The following C16orf74 variants were observed in gnomAD, a reference collection of about 807,000 sequenced individuals.
C16orf74 encodes uncharacterized protein C16orf74.
A neutral mutation model predicts 6.5 loss-of-function variants in C16orf74; 10 were observed. The ratio of observed to expected loss-of-function variants is 1.54; its 90% CI spans 0.95 to 2.61. The LOEUF is 2.61. Among genes scored for constraint, C16orf74 ranks in the 30% most tolerant of loss-of-function variants. The pLI, the probability that C16orf74 is intolerant of heterozygous loss-of-function variation, is 0.00. For missense variants in C16orf74, 141 were observed against 105.9 expected, an observed-to-expected ratio of 1.33 and a Z score of -1.45; for synonymous variants, 60 against 42.5, an observed-to-expected ratio of 1.41 and a Z score of -1.60.
At chr16:85,739,587 T>G (rs2054280852) in intron 1 of C16orf74, among the ~76,000 whole-genome samples, 2 of 152,074 alleles carry the variant, frequency 1.3e-5, no homozygotes, top group African/African-American at 4.8e-5. Context: ...GTGTGTTTGT[T>G]TGAAAAGTAA....
intron 1 of C16orf74, among the ~76,000 whole-genome samples, chr16:85,743,961 G>A (rs1345593289): frequency 6.6e-6 from 1 of 152,084 alleles, no homozygotes; most frequent in African/African-American, 2.4e-5. Flanking sequence ...CGCTGAGGCA[G>A]GAGAACGGTG....
intron 1 of C16orf74, among the ~76,000 whole-genome samples, chr16:85,739,159 G>C (rs2054276352): frequency 1.1e-4 from 1 of 9,350 alleles, no homozygotes; most frequent in African/African-American, 2.2e-4. Flanking sequence ...CCTGACGTCA[G>C]GATCAACCAC....
chr16:85,742,617 C>A (rs2054321771), intron 1 of C16orf74, among the ~76,000 whole-genome samples: 1 of 152,158 alleles, frequency 6.6e-6, no homozygotes, highest in South Asian at 2.1e-4. Flanking sequence ...TCTCGGCTCA[C>A]TGCAACCTCC....
At chr16:85,748,616 C>A (rs2054400486) in intron 1 of C16orf74, among the ~76,000 whole-genome samples, 1 of 152,004 alleles carries the variant, frequency 6.6e-6, no homozygotes, top group Non-Finnish European at 1.5e-5. Context: ...AACAAAAAAA[C>A]CCAAAAGAGT....
chr16:85,712,861 G>A (rs532104482), intron 2 of C16orf74, among the ~76,000 whole-genome samples: 11 of 152,276 alleles, frequency 7.2e-5, no homozygotes, highest in Admixed American at 2.0e-4. Flanking sequence ...TTTGTTTGCC[G>A]GGGGCTGTGG....
At chr16:85,716,078 C>T (rs959780455) in intron 2 of C16orf74, among the ~76,000 whole-genome samples, 1 of 152,140 alleles carries the variant, frequency 6.6e-6, no homozygotes, top group Admixed American at 6.5e-5. Context: ...CTTCCCTGCT[C>T]AGTCTCCAAA....
chr16:85,736,614 C>G (rs1000569355), intron 1 of C16orf74, among the ~76,000 whole-genome samples: 5 of 152,098 alleles, frequency 3.3e-5, no homozygotes, highest in Non-Finnish European at 7.4e-5. Context: ...CTTGGGCCAG[C>G]TGCGTATGAA....
Position 85,720,615 on chromosome 16 carries a change from T to A in C16orf74, c.29-10308A>T, listed in dbSNP as rs190519287. Reference sequence around the variant, plus strand: ...TAGCAAGACCCCATCTCTAAAAAAATTTTTTTTTAAATTAGCCAGATGTGG... The same window carrying A: ...TAGCAAGACCCCATCTCTAAAAAAAATTTTTTTTAAATTAGCCAGATGTGG... On this transcript the variant is annotated intron_variant, in intron 2 of 3. Coordinates refer to ENST00000284245, the MANE Select transcript of C16orf74 (RefSeq NM_206967.3). 2.6e-3 allele frequency among the ~76,000 whole-genome samples: 391 copies of A among 151,538 alleles called. 2 individuals are homozygous for A. The highest frequency in any genetic ancestry group is 8.9e-3 in the African/African-American group (366 of 41,312).
intron 1 of C16orf74, among the ~76,000 whole-genome samples, chr16:85,739,776 G>C (rs768795543): frequency 1.3e-5 from 2 of 152,094 alleles, no homozygotes; most frequent in South Asian, 4.1e-4. Context: ...CACTACCTGG[G>C]AGACAGAGCA....
At chr16:85,714,885 G>C (rs533005335) in intron 2 of C16orf74, among the ~76,000 whole-genome samples, 1 of 151,680 alleles carries the variant, frequency 6.6e-6, no homozygotes, top group Non-Finnish European at 1.5e-5. Flanking sequence ...AGCCGGGTGC[G>C]GTGGCTCACG....
chr16:85,725,393 G>A (rs1053224261), intron 2 of C16orf74, among the ~76,000 whole-genome samples: 1 of 152,192 alleles, frequency 6.6e-6, no homozygotes, highest in African/African-American at 2.4e-5. Context: ...AAGGACATTG[G>A]CTGTCAGCCT....
At chr16:85,744,854 T>G (rs1457488541) in intron 1 of C16orf74, among the ~76,000 whole-genome samples, 1 of 123,436 alleles carries the variant, frequency 8.1e-6, no homozygotes, top group East Asian at 2.7e-4. Flanking sequence ...AAAAAAACTC[T>G]CCGTCAGCCG....
intron 3 of C16orf74, among the ~76,000 whole-genome samples, chr16:85,708,970 G>A (rs2053940119): frequency 6.6e-6 from 1 of 152,272 alleles, no homozygotes. Flanking sequence ...GCCACGGGGT[G>A]AAGTGCAGAT....
chr16:85,745,558 A>G lies in C16orf74; in HGVS notation c.-19+5368T>C, dbSNP rs139410679. On this transcript the variant is annotated intron_variant, in intron 1 of 3. Transcript: ENST00000284245. ...AGGGACAGAAACTCCTGCTGGCTGG[A>G]GGGACCCTGCTTTTCAAAGACAGAG... Among the ~76,000 whole-genome samples, 1,114 of 152,166 alleles carry G rather than the reference A, an allele frequency of 7.3e-3. 18 individuals are homozygous for G. The highest frequency in any genetic ancestry group is 0.025 in the African/African-American group (1,056 of 41,558).
chr16:85,739,113 T>C (rs962970225), intron 1 of C16orf74, among the ~76,000 whole-genome samples: 2 of 152,004 alleles, frequency 1.3e-5, no homozygotes, highest in Non-Finnish European at 2.9e-5. Flanking sequence ...CCATGCTGGC[T>C]CTCCTGCCGC....
intron 1 of C16orf74, among the ~76,000 whole-genome samples, chr16:85,748,938 T>A (rs868717007): frequency 1.6e-4 from 19 of 115,152 alleles, no homozygotes; most frequent in Middle Eastern, 8.7e-3. Flanking sequence ...TTTTTTTTTT[T>A]TTTTTTTTTA....
intron 2 of C16orf74, among the ~76,000 whole-genome samples, chr16:85,712,383 T>G (rs2053978958): frequency 6.6e-6 from 1 of 152,232 alleles, no homozygotes; most frequent in Non-Finnish European, 1.5e-5. Context: ...GATAGATTAC[T>G]GACAGTCAGC....
At chr16:85,731,891 A>G (rs113316939) in intron 2 of C16orf74, among the ~76,000 whole-genome samples, 2 of 151,956 alleles carry the variant, frequency 1.3e-5, no homozygotes, top group Non-Finnish European at 2.9e-5. Context: ...GGGTTTTGCA[A>G]TGTTGCCCAG....
intron 2 of C16orf74, among the ~76,000 whole-genome samples, chr16:85,731,957 T>C (rs1014769878): frequency 1.3e-5 from 2 of 152,232 alleles, no homozygotes; most frequent in African/African-American, 4.8e-5. Flanking sequence ...TCCCAAAGTG[T>C]TGGGACTACA....
Sources: gnomAD v4.1 joint callset for allele counts (sites outside exome capture counted in the v4.1 genomes callset) on GRCh38, gnomAD v4.1.1 for gene constraint, MANE v1.5 for transcripts, NCBI Gene and HGNC (gene_info 2026-07-23, HGNC 2026-07-21) for gene names.